Variants in DGKG observed in about 807,000 individuals in gnomAD.
DGKG encodes the protein DAG kinase gamma.
In DGKG, 78 loss-of-function variants were observed where a neutral mutation model predicts 105.3. The ratio of observed to expected loss-of-function variants is 0.74; its 90% CI spans 0.62 to 0.89. The LOEUF (loss-of-function observed/expected upper bound fraction) is 0.89, where lower values mean the gene tolerates loss of function less well. DGKG is among the 40% of genes least tolerant of loss of function. The pLI is 0.00. For missense variants in DGKG, 958 were observed against 1,020.1 expected (o/e 0.94, Z 0.83); for synonymous variants, 346 against 367.1 (o/e 0.94, Z 0.66).
chr3:186,360,442 G>T (rs1244872637), intron 1 of DGKG, among the ~76,000 whole-genome samples: 1 of 152,164 alleles, frequency 6.6e-6, no homozygotes, highest in African/African-American at 2.4e-5. Flanking sequence ...CGGGAAGTTG[G>T]CTTAGTTGCA....
chr3:186,197,025 G>A (rs1160375824), intron 21 of DGKG, among the ~76,000 whole-genome samples: 1 of 152,196 alleles, frequency 6.6e-6, no homozygotes, highest in Admixed American at 6.5e-5. Context: ...ATGAGAAGAG[G>A]AAGTTGGGAT....
intron 22 of DGKG, among the ~76,000 whole-genome samples, chr3:186,179,716 A>G (rs929514428): frequency 4.6e-5 from 7 of 152,188 alleles, no homozygotes; most frequent in Non-Finnish European, 1.0e-4. Flanking sequence ...ATCCCGCCAG[A>G]TGCCATGAGA....
rs949009928 is a variant in DGKG at position 186,148,333 on chromosome 3, G to A, written c.*1757C>T. 16 of 985,340 alleles carry A rather than the reference G, an allele frequency of 1.6e-5. No homozygotes were observed. Among genetic ancestry groups the A allele is most frequent in the Non-Finnish European group, 1.9e-5 (16 of 829,960 alleles). 61.0% of individuals were successfully genotyped at this position (985,340 alleles called of 1,614,324 possible). ...GCAGCCAAGGTTGTTTCCAAACTAA[G>A]AGACTATGATGACCATGATGAGGTG... On this transcript the variant is annotated 3_prime_UTR_variant, in exon 25 of 25. Transcript: ENST00000265022.
intron 11 of DGKG, among the ~76,000 whole-genome samples, chr3:186,269,683 G>A (rs560339371): frequency 6.6e-6 from 1 of 152,278 alleles, no homozygotes; most frequent in Admixed American, 6.5e-5. Flanking sequence ...ACGTGAAGCC[G>A]AGACTAAAAA....
At chr3:186,320,057 G>A (rs1020940587) in intron 2 of DGKG, among the ~76,000 whole-genome samples, 4 of 152,172 alleles carry the variant, frequency 2.6e-5, no homozygotes, top group Admixed American at 6.5e-5. Flanking sequence ...CAGGCTTAAC[G>A]CAGGGTGTAT....
rs116364699 is a variant in DGKG at position 186,318,392 on chromosome 3, T to G, written c.67+2001A>C. Among the ~76,000 whole-genome samples, 570 of 152,344 alleles carry G rather than the reference T, an allele frequency of 3.7e-3. 3 individuals are homozygous for G. The highest frequency in any genetic ancestry group is 5.8e-3 in the Non-Finnish European group (394 of 68,028). ...ATTCCTTTTGCTTCCATCGTTCCCCTTCCATCTGCTGCTCACATTTTAAAC... is the reference window on the plus strand; with the variant it reads ...ATTCCTTTTGCTTCCATCGTTCCCCGTCCATCTGCTGCTCACATTTTAAAC... On this transcript the variant is annotated intron_variant, in intron 2 of 24. Coordinates refer to ENST00000265022, the MANE Select transcript of DGKG (RefSeq NM_001346.3).
intron 24 of DGKG, among the ~76,000 whole-genome samples, chr3:186,154,518 G>C (rs891958481): frequency 6.6e-6 from 1 of 151,732 alleles, no homozygotes; most frequent in Non-Finnish European, 1.5e-5. Flanking sequence ...GGTAGTGGGC[G>C]CCTGGAATTC....
chr3:186,205,075 G>A (rs980563527), intron 21 of DGKG, among the ~76,000 whole-genome samples: 2 of 151,932 alleles, frequency 1.3e-5, no homozygotes, highest in African/African-American at 4.8e-5. Context: ...TGGCCAACAT[G>A]GCGAAACCCC....
chr3:186,207,377 G>C (rs759673), intron 21 of DGKG: 890,555 of 890,816 alleles, frequency 1, 445,147 homozygotes, highest in East Asian at 1. Context: ...GGATTTGAAG[G>C]CTGATCTGAT....
intron 21 of DGKG, 28 bp downstream of exon 21, chr3:186,211,767 G>A: frequency 6.4e-7 from 1 of 1,560,836 alleles, no homozygotes; most frequent in East Asian, 2.2e-5. Context: ...CAAGATCCAG[G>A]AAGCCTTCTC....
At position 186,316,002 on chromosome 3, in the gene DGKG, C is replaced by T. The variant is rs145672046; in HGVS notation, c.67+4391G>A. On this transcript the variant is annotated intron_variant, in intron 2 of 24. Transcript: ENST00000265022. ...CATGTTAGATTTCCAGGTTACCCTGCTGAAAAGAAAGGACATATGGAGAGG... is the reference window on the plus strand; with the variant it reads ...CATGTTAGATTTCCAGGTTACCCTGTTGAAAAGAAAGGACATATGGAGAGG... 3.6e-3 allele frequency among the ~76,000 whole-genome samples: 556 copies of T among 152,362 alleles called. 5 individuals are homozygous for T. Among genetic ancestry groups the T allele is most frequent in the African/African-American group, 0.012 (511 of 41,594 alleles).
intron 10 of DGKG, among the ~76,000 whole-genome samples, chr3:186,273,367 CTTTTTTTTTTTTT>C (rs375667915): frequency 2.3e-5 from 2 of 85,598 alleles, no homozygotes; most frequent in South Asian, 4.9e-4. Context: ...TGTTGTACCC[CTTTTTTTTTTTTT>C]TTTTTTTTTT....
At chr3:186,328,085 G>C (rs1321869485) in intron 1 of DGKG, among the ~76,000 whole-genome samples, 1 of 152,144 alleles carries the variant, frequency 6.6e-6, no homozygotes, top group Non-Finnish European at 1.5e-5. Context: ...ATTATGGCCT[G>C]ACAAACACAC....
rs186885864 is a variant in DGKG, at chr3:186,190,500, C to T, written c.1918-2121G>A. 2.5e-3 allele frequency among the ~76,000 whole-genome samples: 385 copies of T among 152,302 alleles called. 2 individuals carry two copies. The highest frequency in any genetic ancestry group is 8.8e-3 in the African/African-American group (364 of 41,562). On this transcript the variant is annotated intron_variant, in intron 21 of 24. Transcript: ENST00000265022. ...AAGAGTTCAGCACGTTATCCATTAT[C>T]ATTATCCTTATCCTTATTATCCAAT...
chr3:186,168,924 G>A (rs766743595), intron 22 of DGKG, among the ~76,000 whole-genome samples: 104 of 152,258 alleles, frequency 6.8e-4, no homozygotes, highest in Middle Eastern at 3.4e-3. Flanking sequence ...CACTGAAAAC[G>A]TAAACTGATA....
intron 21 of DGKG, among the ~76,000 whole-genome samples, chr3:186,206,399 A>C (rs937343022): frequency 3.4e-5 from 5 of 149,244 alleles, no homozygotes; most frequent in Admixed American, 2.0e-4. Flanking sequence ...AAAACAAAAC[A>C]AAACAAAAAA....
rs148373247 is a variant in DGKG at position 186,313,754 on chromosome 3, C to T, written c.67+6639G>A. On this transcript the variant is annotated intron_variant, in intron 2 of 24. Transcript: ENST00000265022. ...TCCCTATCCGTAGATTCTGTGACTC[C>T]TGGTGGGCAGAGTCCTACTCATCGT... is the stretch of plus-strand genomic sequence containing the variant. Among the ~76,000 whole-genome samples the T allele has an allele frequency of 2.7e-3, 413 of 152,228 alleles. 1 individual carries two copies. Among genetic ancestry groups the T allele is most frequent in the African/African-American group, 9.4e-3 (390 of 41,534 alleles).
At position 186,267,765 on chromosome 3, in the gene DGKG, A is replaced by AAAG; in HGVS notation, c.1128_1129insCTT (p.Lys376_Cys377insLeu). The AAAG allele has an allele frequency of 6.2e-7, 1 of 1,613,892 alleles. No individual in the cohort carries two copies. Among genetic ancestry groups the AAAG allele is most frequent in the South Asian group, 1.1e-5 (1 of 91,080 alleles). On this transcript the variant is annotated inframe_insertion, in exon 13 of 25. Transcript: ENST00000265022. ...CCGTCACACAACGTTGATAATTCAC[A>AAAG]TTTGCGGTGAAACTGGGGGGAGAAA...
intron 10 of DGKG, among the ~76,000 whole-genome samples, chr3:186,273,367 CTTTTTT>C (rs375667915): frequency 3.5e-5 from 3 of 85,596 alleles, no homozygotes; most frequent in South Asian, 4.9e-4. Flanking sequence ...TGTTGTACCC[CTTTTTT>C]TTTTTTTTTT....
Sources: allele counts gnomAD v4.1 joint callset (sites outside exome capture counted in the v4.1 genomes callset), GRCh38; gene constraint gnomAD v4.1.1; transcripts MANE v1.5; gene names NCBI Gene and HGNC (gene_info 2026-07-23, HGNC 2026-07-21).